SEMA3E: variants seen among roughly 807,000 people sequenced by gnomAD.
SEMA3E encodes the protein semaphorin 3E.
A neutral mutation model predicts 93.6 loss-of-function variants in SEMA3E; 49 were observed. The ratio of observed to expected loss-of-function variants is 0.52; its 90% confidence interval spans 0.42 to 0.66. SEMA3E has a LOEUF of 0.66. Ranked by LOEUF, SEMA3E falls within the 30% of genes least tolerant of loss-of-function variation. SEMA3E has a pLI of 0.00. For synonymous variants in SEMA3E, 363 were observed against 330.7 expected, an observed-to-expected ratio of 1.10 and a Z score of -1.06; for missense variants, 906 against 964.8, an observed-to-expected ratio of 0.94 and a Z score of 0.81.
chr7:83,530,548 G>A (rs7806841), intron 1 of SEMA3E, among the ~76,000 whole-genome samples: 80,256 of 152,012 alleles, frequency 0.53, 23,537 homozygotes, highest in Middle Eastern at 0.69. Context: ...TTCATTCTAC[G>A]TGAAACAATT....
chr7:83,541,869 A>G (rs1319030209), intron 1 of SEMA3E, among the ~76,000 whole-genome samples: 1 of 151,804 alleles, frequency 6.6e-6, no homozygotes, highest in Non-Finnish European at 1.5e-5. Context: ...CATGTTTCCA[A>G]GAAGAGAACT....
intron 11 of SEMA3E, among the ~76,000 whole-genome samples, chr7:83,398,852 G>A (rs1191564807): frequency 6.6e-6 from 1 of 152,158 alleles, no homozygotes; most frequent in Admixed American, 6.5e-5. Flanking sequence ...GCTGAAGCAG[G>A]AGAATCGCTT....
intron 11 of SEMA3E, among the ~76,000 whole-genome samples, chr7:83,399,492 T>C (rs1383768567): frequency 3.3e-5 from 5 of 152,170 alleles, no homozygotes; most frequent in Non-Finnish European, 7.3e-5. Flanking sequence ...TAGGTGAAGG[T>C]ATTGTCCCAA....
chr7:83,405,889 G>A, intron 8 of SEMA3E, 56 bp downstream of exon 8: 1 of 1,246,082 alleles, frequency 8.0e-7, no homozygotes, highest in Admixed American at 1.7e-5. Flanking sequence ...TAGGGATAAA[G>A]TTATAAAGAA....
At chr7:83,397,936 G>A (rs571445013) in intron 11 of SEMA3E, among the ~76,000 whole-genome samples, 2 of 152,054 alleles carry the variant, frequency 1.3e-5, no homozygotes, top group Non-Finnish European at 2.9e-5. Flanking sequence ...TTAAATACTT[G>A]ACAATTATAT....
At chr7:83,625,784 G>A (rs749506543) in intron 1 of SEMA3E, among the ~76,000 whole-genome samples, 48 of 151,792 alleles carry the variant, frequency 3.2e-4, no homozygotes, top group Non-Finnish European at 5.6e-4. Context: ...GTCTTGTGCC[G>A]ATTTTCAAAG....
chr7:83,552,508 G>A (rs904199681), intron 1 of SEMA3E, among the ~76,000 whole-genome samples: 2 of 152,130 alleles, frequency 1.3e-5, no homozygotes, highest in Non-Finnish European at 2.9e-5. Context: ...GACTAACCGC[G>A]GGGTTGGGCA....
At chr7:83,386,832 T>G (rs935682112) in intron 15 of SEMA3E, 151 bp downstream of exon 15, 1 of 741,946 alleles carries the variant, frequency 1.3e-6, no homozygotes, top group African/African-American at 1.8e-5. Context: ...TTTTCAAAAT[T>G]TTAACTACAT....
intron 1 of SEMA3E, among the ~76,000 whole-genome samples, chr7:83,549,600 G>T (rs1791719501): frequency 6.6e-6 from 1 of 151,936 alleles, no homozygotes; most frequent in South Asian, 2.1e-4. Flanking sequence ...TGTATCTAAT[G>T]TCTAACTCAC....
rs1788983581 is a variant in SEMA3E at position 83,435,373 on chromosome 7, C to A, written c.457-16890G>T. The stretch of plus-strand genomic sequence containing the variant: ...CTTTGGGAGGCCAAGGCAGGCAGAT[C>A]ACCTGAGGTCAGGAGTTCGAGACCA... On this transcript the variant is annotated intron_variant, in intron 4 of 16. Transcript: ENST00000643230. 1.3e-5 allele frequency among the ~76,000 whole-genome samples: 2 copies of A among 152,102 alleles called. 1 individual carries two copies. The highest frequency in any genetic ancestry group is 1.3e-4 in the Admixed American group (2 of 15,268).
intron 4 of SEMA3E, among the ~76,000 whole-genome samples, chr7:83,428,221 CAATAA>C (rs1788811980): frequency 1.3e-5 from 2 of 152,168 alleles, no homozygotes; most frequent in African/African-American, 4.8e-5. Context: ...GATGCCAACT[CAATAA>C]AATGAGTTTC....
intron 16 of SEMA3E, among the ~76,000 whole-genome samples, chr7:83,381,919 C>T (rs949030451): frequency 5.9e-5 from 9 of 151,792 alleles, no homozygotes; most frequent in Admixed American, 3.3e-4. Context: ...CTTAGAGTGG[C>T]GATGGTTCAA....
rs140323096 is a variant in SEMA3E at position 83,392,608 on chromosome 7, G to A, written c.1614C>T (p.Ala538=). 7 of 1,613,722 alleles carry A rather than the reference G, an allele frequency of 4.3e-6. No homozygotes were observed. In the African/African-American group the frequency reaches 9.3e-5, roughly 22 times the overall value. Residue 538 remains alanine (A), a synonymous_variant, in exon 14 of 17, where the codon GCC becomes GCT. Coordinates refer to ENST00000643230, the MANE Select transcript of SEMA3E (RefSeq NM_012431.3). The stretch of plus-strand genomic sequence containing the variant: ...ACCGGGAGCAGGATATGCCATCCCA[G>A]GCACAGTAAGGGTCTCGAGCCAGGC... ...DCCLARDPYC[A]WDGISCSRYY...
At chr7:83,642,249 C>T (rs1339264218) in intron 1 of SEMA3E, among the ~76,000 whole-genome samples, 1 of 151,980 alleles carries the variant, frequency 6.6e-6, no homozygotes, top group Non-Finnish European at 1.5e-5. Flanking sequence ...TTTTTTCATA[C>T]CAGTTGTGGA....
At chr7:83,471,924 G>A (rs1789905793) in intron 2 of SEMA3E, among the ~76,000 whole-genome samples, 1 of 152,154 alleles carries the variant, frequency 6.6e-6, no homozygotes, top group Non-Finnish European at 1.5e-5. Context: ...AACAGTATTT[G>A]CTATGTTGTA....
intron 16 of SEMA3E, chr7:83,372,507 T>C (rs1429812209): frequency 2.7e-6 from 1 of 366,976 alleles, no homozygotes; most frequent in Non-Finnish European, 4.8e-6. Flanking sequence ...GGGTTGTTTG[T>C]TTGTTGCTTG....
intron 5 of SEMA3E, among the ~76,000 whole-genome samples, chr7:83,413,811 C>A (rs1788489493): frequency 6.6e-6 from 1 of 152,184 alleles, no homozygotes; most frequent in South Asian, 2.1e-4. Context: ...TGTGTGCCAG[C>A]ACCCATGGCT....
Position 83,468,135 on chromosome 7 carries a change from G to A in SEMA3E, c.336+1108C>T, listed in dbSNP as rs533815335. ...AAAGTCTATCCTATAACAGTATTAGGAGGAAAAGGCCAGTGGAATCACTTG... is the reference window on the plus strand; with the variant it reads ...AAAGTCTATCCTATAACAGTATTAGAAGGAAAAGGCCAGTGGAATCACTTG... On this transcript the variant is annotated intron_variant, in intron 3 of 16. Coordinates refer to ENST00000643230, the MANE Select transcript of SEMA3E (RefSeq NM_012431.3). 2.6e-5 allele frequency among the ~76,000 whole-genome samples: 4 copies of A among 152,280 alleles called. No individual in the cohort carries two copies. In the South Asian group the frequency reaches 8.3e-4, roughly 32 times the overall value.
At chr7:83,645,879 T>C (rs1794073313) in intron 1 of SEMA3E, among the ~76,000 whole-genome samples, 1 of 152,032 alleles carries the variant, frequency 6.6e-6, no homozygotes, top group Non-Finnish European at 1.5e-5. Context: ...ATTTTTTTTC[T>C]GAACATATTT....
Sources: gnomAD v4.1 joint callset for allele counts (sites outside exome capture counted in the v4.1 genomes callset) on GRCh38, gnomAD v4.1.1 for gene constraint, MANE v1.5 for transcripts, NCBI Gene and HGNC (gene_info 2026-07-23, HGNC 2026-07-21) for gene names.